Variants in NRG1 observed in about 807,000 individuals in gnomAD.
NRG1 encodes pro-neuregulin-1, membrane-bound isoform.
In NRG1, 18 loss-of-function variants were observed where a neutral mutation model predicts 63.8. The ratio of observed to expected loss-of-function variants is 0.28; its 90% confidence interval spans 0.19 to 0.42. NRG1 has a LOEUF of 0.42. NRG1 is among the 10% of genes least tolerant of loss of function. NRG1 has a pLI of 1.00. For synonymous variants in NRG1, 302 were observed against 301.3 expected (o/e 1.00, Z -0.02); for missense variants, 762 against 814.7 (o/e 0.94, Z 0.79).
chr8:32,179,316 C>T (rs900166248), intron 1 of NRG1, among the ~76,000 whole-genome samples: 1 of 152,022 alleles, frequency 6.6e-6, no homozygotes, highest in African/African-American at 2.4e-5. Flanking sequence ...CGCTTCACCT[C>T]CCTGACAACA....
chr8:32,535,499 C>T (rs563589833), intron 1 of NRG1, among the ~76,000 whole-genome samples: 10 of 152,246 alleles, frequency 6.6e-5, no homozygotes, highest in Admixed American at 1.3e-4. Context: ...AAACAAACCA[C>T]GACCCTCTAA....
chr8:32,541,837 T>C (rs1832606425), intron 1 of NRG1, among the ~76,000 whole-genome samples: 1 of 152,170 alleles, frequency 6.6e-6, no homozygotes, highest in South Asian at 2.1e-4. Flanking sequence ...GGGAATATAG[T>C]AAAATATTAG....
intron 1 of NRG1, among the ~76,000 whole-genome samples, chr8:31,886,866 A>G (rs1402747281): frequency 6.6e-6 from 1 of 152,040 alleles, no homozygotes; most frequent in East Asian, 1.9e-4. Flanking sequence ...CTGGAAGAGG[A>G]CTGTTAACAG....
chr8:32,699,971 G>A (rs927550181), intron 5 of NRG1, among the ~76,000 whole-genome samples: 2 of 152,050 alleles, frequency 1.3e-5, no homozygotes, highest in Non-Finnish European at 1.5e-5. Context: ...CAAAGTGTAC[G>A]ATTCAGTGTT....
At chr8:32,125,337 C>T (rs539855788) in intron 1 of NRG1, among the ~76,000 whole-genome samples, 18 of 152,014 alleles carry the variant, frequency 1.2e-4, no homozygotes, top group Non-Finnish European at 1.9e-4. Context: ...ATTCTCAAGC[C>T]GTCTTTACTA....
At chr8:32,498,696 G>T in intron 1 of NRG1, among the ~76,000 whole-genome samples, 1 of 152,096 alleles carries the variant, frequency 6.6e-6, no homozygotes, top group South Asian at 2.1e-4. Flanking sequence ...CATATCAGAA[G>T]GTAAGGCCTA....
At chr8:32,317,412 A>G (rs539518382) in intron 1 of NRG1, among the ~76,000 whole-genome samples, 1 of 152,228 alleles carries the variant, frequency 6.6e-6, no homozygotes, top group Non-Finnish European at 1.5e-5. Flanking sequence ...GATCACAATC[A>G]GAACATAGGC....
intron 1 of NRG1, among the ~76,000 whole-genome samples, chr8:31,856,868 G>C (rs1474227738): frequency 6.6e-6 from 1 of 152,092 alleles, no homozygotes; most frequent in Admixed American, 6.5e-5. Flanking sequence ...TGGAGTACCC[G>C]GCCGTGTGAG....
chr8:32,105,718 G>A (rs1831179352), intron 1 of NRG1, among the ~76,000 whole-genome samples: 1 of 152,040 alleles, frequency 6.6e-6, no homozygotes, highest in East Asian at 1.9e-4. Flanking sequence ...TATAAATATT[G>A]TCTGGAAGAG....
intron 1 of NRG1, among the ~76,000 whole-genome samples, chr8:31,998,104 T>C (rs1812313699): frequency 6.6e-6 from 1 of 151,982 alleles, no homozygotes; most frequent in Non-Finnish European, 1.5e-5. Flanking sequence ...CAATAAGAAT[T>C]TCAGCAATCA....
chr8:32,534,619 G>C (rs1156314051), intron 1 of NRG1, among the ~76,000 whole-genome samples: 1 of 151,972 alleles, frequency 6.6e-6, no homozygotes, highest in Non-Finnish European at 1.5e-5. Flanking sequence ...GAAATACTTG[G>C]CTTTTATTGG....
At chr8:31,974,842 A>G (rs760220236) in intron 1 of NRG1, among the ~76,000 whole-genome samples, 1 of 152,180 alleles carries the variant, frequency 6.6e-6, no homozygotes, top group Non-Finnish European at 1.5e-5. Context: ...CTCTAAAGAG[A>G]GTCCTTGAAG....
At chr8:32,030,127 A>G (rs1776466871) in intron 1 of NRG1, among the ~76,000 whole-genome samples, 1 of 152,222 alleles carries the variant, frequency 6.6e-6, no homozygotes, top group South Asian at 2.1e-4. Context: ...ATATGTCTAT[A>G]CTATGACTCA....
chr8:32,559,972 G>A (rs549709964), intron 1 of NRG1, among the ~76,000 whole-genome samples: 126 of 152,194 alleles, frequency 8.3e-4, no homozygotes, highest in South Asian at 3.9e-3. Context: ...AGCTGGAATC[G>A]TGACACCACA....
chr8:31,920,145 C>T (rs1348223984), intron 1 of NRG1, among the ~76,000 whole-genome samples: 2 of 151,948 alleles, frequency 1.3e-5, no homozygotes, highest in African/African-American at 4.8e-5. Context: ...GTTGAGGTGG[C>T]ATGGAAAGTC....
At chr8:32,380,491 C>T (rs1159015753) in intron 1 of NRG1, among the ~76,000 whole-genome samples, 1 of 152,112 alleles carries the variant, frequency 6.6e-6, no homozygotes, top group African/African-American at 2.4e-5. Flanking sequence ...CCACCCAACA[C>T]CCAACCACCA....
intron 1 of NRG1, among the ~76,000 whole-genome samples, chr8:31,815,975 GT>G (rs1375530013): frequency 4.6e-5 from 7 of 151,980 alleles, no homozygotes; most frequent in Admixed American, 6.5e-5. Context: ...AAGTATCTGT[GT>G]ATTCAGCGTT....
intron 1 of NRG1, among the ~76,000 whole-genome samples, chr8:32,377,314 A>C (rs1181897987): frequency 6.6e-6 from 1 of 152,214 alleles, no homozygotes; most frequent in Admixed American, 6.5e-5. Context: ...CTAATTTTCA[A>C]CCAGAGCTAA....
At chr8:32,734,142 G>A (rs1175396200) in intron 6 of NRG1, among the ~76,000 whole-genome samples, 1 of 152,148 alleles carries the variant, frequency 6.6e-6, no homozygotes, top group African/African-American at 2.4e-5. Context: ...TTCCTTACAG[G>A]CTAGAAGAAG....
Sources: allele counts gnomAD v4.1 joint callset (sites outside exome capture counted in the v4.1 genomes callset), GRCh38; gene constraint gnomAD v4.1.1; transcripts MANE v1.5; gene names NCBI Gene and HGNC (gene_info 2026-07-23, HGNC 2026-07-21).